EPHB4: variants seen among roughly 807,000 people sequenced by gnomAD.
The protein encoded by EPHB4 is ephrin type-B receptor 4.
Under a neutral mutation model 110.6 loss-of-function variants are expected in EPHB4, and 50 were observed. That is an observed-to-expected ratio of 0.45 (90% CI 0.36 to 0.57). EPHB4 has a LOEUF of 0.57. EPHB4 is among the 20% of genes least tolerant of loss of function. EPHB4 has a pLI of 0.00. For missense variants in EPHB4, 1,128 were observed against 1,382.1 expected (o/e 0.82, Z 2.91); for synonymous variants, 592 against 578.4 (o/e 1.02, Z -0.34).
In EPHB4 at chr7:100,826,965, G is replaced by C. The variant is rs2304374; in HGVS notation, c.52+14C>G. On this transcript the variant is annotated intron_variant, in intron 1 of 16. Coordinates refer to ENST00000358173, the MANE Select transcript of EPHB4 (RefSeq NM_004444.5). ...GGAGTGACGGGGTGCGCCCCCCCCC[G>C]CAAGGAAACTCACCTTCCAAAGCTG... The C allele has an allele frequency of 0.4, 479,250 of 1,189,970 alleles. 72,199 individuals are homozygous for C. Among genetic ancestry groups the C allele is most frequent in the East Asian group, 0.63 (24,750 of 39,378 alleles). 73.7% of individuals were successfully genotyped at this position (1,189,970 alleles called of 1,614,324 possible).
At chr7:100,825,802 C>A (rs972317801) in intron 1 of EPHB4, among the ~76,000 whole-genome samples, 1 of 152,368 alleles carries the variant, frequency 6.6e-6, no homozygotes, top group Admixed American at 6.5e-5. Flanking sequence ...ATAGGTGTCA[C>A]AATCACCATT....
intron 1 of EPHB4, chr7:100,825,454 C>G (rs996748185): frequency 1.3e-5 from 2 of 152,312 alleles, no homozygotes; most frequent in African/African-American, 4.8e-5. Flanking sequence ...CTGTCCGCAG[C>G]CCAGAGCAAG....
In EPHB4 at chr7:100,824,730, T is replaced by G. The variant is rs139746962; in HGVS notation, c.53-457A>C. 1.5e-4 allele frequency: 26 copies of G among 170,034 alleles called. 1 individual carries two copies. In the East Asian group the frequency reaches 4.2e-3, roughly 27 times the overall value. The allele number at this position is 170,034 out of a possible 1,614,324, so 10.5% of individuals were successfully genotyped here. ...AATTTCATTCCCTGTCCAAGACCCC[T>G]CTCTGCTTTCAGACCAAACACCCCG... On this transcript the variant is annotated intron_variant, in intron 1 of 16. Transcript: ENST00000358173.
At chr7:100,812,507 T>C (rs1272266883) in intron 12 of EPHB4, among the ~76,000 whole-genome samples, 1 of 152,076 alleles carries the variant, frequency 6.6e-6, no homozygotes, top group East Asian at 1.9e-4. Context: ...GAGAATCGCT[T>C]GAACCCTGGA....
chr7:100,820,028 G>C, intron 5 of EPHB4, 113 bp downstream of exon 5: 1 of 1,513,170 alleles, frequency 6.6e-7, no homozygotes, highest in Non-Finnish European at 8.8e-7. Flanking sequence ...CTAGGGACAA[G>C]CATGCCAGGG....
In EPHB4 at chr7:100,807,570, C is replaced by T. The variant is rs1307113070; in HGVS notation, c.2129G>A (p.Gly710Glu). The T allele has an allele frequency of 6.2e-7, 1 of 1,613,100 alleles. No homozygotes were observed. The highest frequency in any genetic ancestry group is 8.5e-7 in the Non-Finnish European group (1 of 1,179,196). ...ALDSFLRLNDGQFTVIQLVGM... is the reference protein window; with the variant it reads ...ALDSFLRLNDEQFTVIQLVGM... ...CACGAGCTGGATGACTGTGAACTGT[C>T]CGTCGTTTAGCTGGAGAGCAGATAG... The change falls in exon 13 of 17, where the codon GGA becomes GAA. Residue 710 changes from glycine (G) to glutamate (E), a missense_variant. Gly to Glu is a moderately conservative substitution (Grantham distance 98, BLOSUM62 -2). Transcript: ENST00000358173.
chr7:100,821,545 G>A (rs1353509802), intron 4 of EPHB4, among the ~76,000 whole-genome samples: 1 of 149,752 alleles, frequency 6.7e-6, no homozygotes, highest in Non-Finnish European at 1.5e-5. Context: ...GGAGAATGGT[G>A]TTAACTTGGG....
rs749289689 is a variant in EPHB4 at position 100,820,204 on chromosome 7, C to T, written c.901G>A (p.Val301Ile). 1.5e-5 allele frequency: 24 copies of T among 1,613,988 alleles called. No individual in the cohort carries two copies. Among genetic ancestry groups the T allele is most frequent in the Admixed American group, 8.3e-5 (5 of 59,986 alleles). ...AAGTACCCGACGCGGCACTGGCAGA[C>T]GGCTGATCCAATGGTGTTAGAGTGG... ...NSHSNTIGSA[V>I]CQCRVGYFRA... The change falls in exon 5 of 17, where the codon GTC becomes ATC. Residue 301 changes from valine to isoleucine, a missense_variant. Val to Ile is a conservative substitution (Grantham distance 29). Coordinates refer to ENST00000358173, the MANE Select transcript of EPHB4 (RefSeq NM_004444.5).
chr7:100,821,861 A>G (rs1422282317), intron 4 of EPHB4, among the ~76,000 whole-genome samples: 1 of 151,870 alleles, frequency 6.6e-6, no homozygotes, highest in African/African-American at 2.4e-5. Context: ...AGGTGAAAAT[A>G]AAGTCTTTTT....
chr7:100,823,164 C>A (rs1813281335), intron 3 of EPHB4, among the ~76,000 whole-genome samples: 1 of 152,058 alleles, frequency 6.6e-6, no homozygotes, highest in African/African-American at 2.4e-5. Context: ...AAAATGAGTG[C>A]CGAGACAGGC....
chr7:100,805,759 A>C, intron 14 of EPHB4, 65 bp from the exon 15 acceptor site: 1 of 1,371,402 alleles, frequency 7.3e-7, no homozygotes, highest in South Asian at 2.0e-5. Context: ...TAACAGGCCC[A>C]GGAAATGGTG....
In EPHB4 at chr7:100,812,927, G is replaced by A; in HGVS notation, c.1938C>T (p.Ile646=). 1 of 1,614,206 alleles carries A rather than the reference G, an allele frequency of 6.2e-7. No homozygotes were observed. The highest frequency in any genetic ancestry group is 8.5e-7 in the Non-Finnish European group (1 of 1,180,048). ...APGKKESCVA[I]KTLKGGYTER... ...CCGTGTAGCCACCCTTCAGGGTCTT[G>A]ATTGCCACACAGCTCTCCTTCTTCC... Residue 646 remains isoleucine (I), a synonymous_variant, in exon 12 of 17, where the codon ATC becomes ATT. Transcript: ENST00000358173.
At chr7:100,826,954 CG>C in intron 1 of EPHB4, 24 bp downstream of exon 1, 2 of 1,503,490 alleles carry the variant, frequency 1.3e-6, no homozygotes, top group South Asian at 1.2e-5. Context: ...TGACGGGGTG[CG>C]CCCCCCCCCG....
chr7:100,815,638 G>C (rs2116439445), intron 8 of EPHB4, among the ~76,000 whole-genome samples: 1 of 152,300 alleles, frequency 6.6e-6, no homozygotes, highest in East Asian at 1.9e-4. Flanking sequence ...AAATTGTATG[G>C]CAGGGGAACT....
chr7:100,819,724 A>G lies in EPHB4; in HGVS notation c.1130T>C (p.Leu377Pro). ...GTCCCGGGGGCCGGGGTCAAAAGTC[A>G]GGTCTCCCCCGCAGGGCGCACAGGA... ...GGSCAPCGGD[L>P]TFDPGPRDLV... Residue 377 changes from leucine (L) to proline (P), a missense_variant, in exon 6 of 17, where the codon CTG becomes CCG. Leu to Pro is a moderately conservative substitution (Grantham distance 98, BLOSUM62 -3). This residue lies in a region of EPHB4 where 728 missense variants were observed against 828.6 expected (regional missense o/e 0.88). Coordinates refer to ENST00000358173, the MANE Select transcript of EPHB4 (RefSeq NM_004444.5). 6.2e-7 allele frequency: 1 copy of G among 1,612,688 alleles called. No individual in the cohort carries two copies. The highest frequency in any genetic ancestry group is 8.5e-7 in the Non-Finnish European group (1 of 1,179,626).
intron 7 of EPHB4, among the ~76,000 whole-genome samples, chr7:100,817,712 A>G (rs1344710126): frequency 6.6e-6 from 1 of 151,706 alleles, no homozygotes; most frequent in East Asian, 1.9e-4. Flanking sequence ...TATTTGTAGT[A>G]GAGACGGGGA....
intron 12 of EPHB4, among the ~76,000 whole-genome samples, chr7:100,808,981 TC>T (rs1226035212): frequency 1.5e-4 from 23 of 152,150 alleles, no homozygotes; most frequent in Non-Finnish European, 2.6e-4. Context: ...TGGTGATGCT[TC>T]CAAGACATGT....
chr7:100,823,544 G>C (rs1813294151), intron 3 of EPHB4, 100 bp downstream of exon 3: 1 of 1,479,392 alleles, frequency 6.8e-7, no homozygotes, highest in Non-Finnish European at 9.1e-7. Flanking sequence ...CAGCGCGCGG[G>C]CCAGAGGCCT....
intron 2 of EPHB4, 36 bp from the exon 3 acceptor site, chr7:100,823,967 A>T (rs1297375796): frequency 6.5e-7 from 1 of 1,543,400 alleles, no homozygotes; most frequent in South Asian, 1.2e-5. Flanking sequence ...GGGGCTGGGG[A>T]GCCGCCAGGG....
Sources: gnomAD v4.1 joint callset for allele counts (sites outside exome capture counted in the v4.1 genomes callset) on GRCh38, gnomAD v4.1.1 for gene constraint, gnomAD v4.1.1 regional missense constraint, MANE v1.5 for transcripts, NCBI Gene and HGNC (gene_info 2026-07-23, HGNC 2026-07-21) for gene names.